PKD1L1: variants seen among roughly 807,000 people sequenced by gnomAD.
PKD1L1 encodes the protein polycystin-1-like protein 1.
PKD1L1 carries 236 observed loss-of-function variants against 323.4 expected under a neutral mutation model. That is an observed-to-expected ratio of 0.73 (90% confidence interval 0.66 to 0.81). The LOEUF is 0.81. Among genes scored for constraint, PKD1L1 ranks in the 40% least tolerant of loss-of-function variants. PKD1L1 has a pLI of 0.00. For synonymous variants in PKD1L1, 1,344 were observed against 1,335.0 expected (o/e 1.01, Z -0.15); for missense variants, 3,320 against 3,508.0 (o/e 0.95, Z 1.35).
rs1382971744 is a variant in PKD1L1, at chr7:47,879,240, T to TTATAC, written c.3520+1487_3520+1488insGTATA. ...GTGAACCTCGGGTTTCCCACTTGTA[T>TTATAC]GACAATAGAGTTCACAGAGAATGCA... On this transcript the variant is annotated intron_variant, in intron 21 of 56. Transcript: ENST00000289672. Among the ~76,000 whole-genome samples the TTATAC allele has an allele frequency of 2.0e-5, 3 of 152,186 alleles. No homozygotes were observed. The East Asian group carries it at 5.8e-4, about 29-fold the overall frequency.
In PKD1L1 at chr7:47,839,074, C is replaced by CCACAT. The variant is rs1349890206; in HGVS notation, c.5769+367_5769+371dup. On this transcript the variant is annotated intron_variant, in intron 36 of 56. Transcript: ENST00000289672. This position sits in a 1 kb window ranked among gnomAD's most constrained non-coding sequence, Gnocchi z 4.3. ...CATCCTGGACCTGACCACATCTATA[C>CCACAT]CACATCTGTAATTACTCTATTGATA... Among the ~76,000 whole-genome samples, 1 of 152,054 alleles carries CCACAT rather than the reference C, an allele frequency of 6.6e-6. No individual in the cohort carries two copies. Among genetic ancestry groups the CCACAT allele is most frequent in the African/African-American group, 2.4e-5 (1 of 41,392 alleles).
At chr7:47,795,384 T>C (rs1055843595) in intron 55 of PKD1L1, 1 of 455,544 alleles carries the variant, frequency 2.2e-6, no homozygotes, top group East Asian at 7.0e-5. Flanking sequence ...GCCACCACCA[T>C]GTAAGAAGTG....
chr7:47,960,681 A>C, the PKD1L1 span, among the ~76,000 whole-genome samples: 1 of 144,042 alleles, frequency 6.9e-6, no homozygotes, highest in Non-Finnish European at 1.5e-5. Flanking sequence ...GAAATAAATA[A>C]TTTTTCTAAT....
At position 47,890,681 on chromosome 7, in the gene PKD1L1, C is replaced by A. The variant is rs756855898; in HGVS notation, c.2536G>T (p.Ala846Ser). Residue 846 changes from alanine (A) to serine (S), a missense_variant, in exon 16 of 57, where the codon GCT becomes TCT. Ala to Ser is a moderately conservative substitution (Grantham distance 99). Coordinates refer to ENST00000289672, the MANE Select transcript of PKD1L1 (RefSeq NM_138295.5). ...SSTAHQLDAAAPTVSFEAQWL... is the reference protein window; with the variant it reads ...SSTAHQLDAASPTVSFEAQWL... ...TGTGCCTCAAAGGAAACAGTGGGAG[C>A]CGCGGCATCCAGTTGGTGTGCAGTG... The A allele has an allele frequency of 1.9e-6, 3 of 1,613,870 alleles. No individual in the cohort carries two copies. Among genetic ancestry groups the A allele is most frequent in the Non-Finnish European group, 2.5e-6 (3 of 1,180,044 alleles).
Position 47,902,461 on chromosome 7 carries a change from G to A in PKD1L1, c.1982C>T (p.Ser661Phe), listed in dbSNP as rs1433643495. 1 of 1,614,038 alleles carries A rather than the reference G, an allele frequency of 6.2e-7. No individual in the cohort carries two copies. Among genetic ancestry groups the A allele is most frequent in the Non-Finnish European group, 8.5e-7 (1 of 1,180,000 alleles). The change falls in exon 13 of 57, where the codon TCC becomes TTC. Residue 661 changes from serine to phenylalanine, a missense_variant. By Grantham distance (155) the Ser-to-Phe change is radical. Transcript: ENST00000289672. ...EVLAFNNVSA[S>F]TLRQQLFIVC... ...GATGAAAAGTTGCTGTCTTAGAGTG[G>A]AGGCACTGACATTATTGAAGGCAAG...
rs1784520074 is a variant in PKD1L1 at position 47,796,063 on chromosome 7, T to C, written c.8281A>G (p.Met2761Val). Residue 2761 changes from methionine (M) to valine (V), a missense_variant, in exon 55 of 57, where the codon ATG (methionine) becomes GTG (valine). Met to Val is a conservative substitution (Grantham distance 21). Transcript: ENST00000289672. Reference sequence around the variant, plus strand: ...AGAAAGGTGAGGACCTTTTCCCACATATAAGCAGTGACATCTTTAAGTCTC... The same window carrying C: ...AGAAAGGTGAGGACCTTTTCCCACACATAAGCAGTGACATCTTTAAGTCTC... The part of the protein sequence containing the change: ...FVRLKDVTAY[M>V]WEKVLTFLRL... 5 of 1,612,330 alleles carry C rather than the reference T, an allele frequency of 3.1e-6. No homozygotes were observed. Among genetic ancestry groups the C allele is most frequent in the African/African-American group, 1.3e-5 (1 of 74,880 alleles).
rs748896013 is a variant in PKD1L1, at chr7:47,839,535, G to A, written c.5680C>T (p.Pro1894Ser). 3 of 1,611,086 alleles carry A rather than the reference G, an allele frequency of 1.9e-6. No homozygotes were observed. The highest frequency in any genetic ancestry group is 1.7e-5 in the Admixed American group (1 of 59,822). Residue 1894 changes from proline to serine, a missense_variant, in exon 36 of 57, where the codon CCT (proline) becomes TCT (serine). Coordinates refer to ENST00000289672, the MANE Select transcript of PKD1L1 (RefSeq NM_138295.5). This position sits in a 1 kb window ranked among gnomAD's most constrained non-coding sequence, Gnocchi z 4.3. ...ELHTGQGWFF[P>S]AQCWLSAGRH... Reference sequence around the variant, plus strand: ...CCGGCAGACAGCCAGCACTGGGCAGGGAAGAACCAGCCCTGTCCCGTGTGC... The same window carrying A: ...CCGGCAGACAGCCAGCACTGGGCAGAGAAGAACCAGCCCTGTCCCGTGTGC...
chr7:47,939,923 C>G (rs1395708247), intron 3 of PKD1L1, among the ~76,000 whole-genome samples: 3 of 152,164 alleles, frequency 2.0e-5, no homozygotes, highest in Non-Finnish European at 4.4e-5. Flanking sequence ...CCCCACTCCC[C>G]ACCTGAGGGC....
At chr7:47,925,637 C>T (rs998327365) in intron 7 of PKD1L1, among the ~76,000 whole-genome samples, 2 of 152,160 alleles carry the variant, frequency 1.3e-5, no homozygotes, top group Non-Finnish European at 2.9e-5. Flanking sequence ...CCACGATACC[C>T]TCCTCCCATT....
At chr7:47,914,835 A>T (rs1055574343) in intron 8 of PKD1L1, among the ~76,000 whole-genome samples, 9 of 151,902 alleles carry the variant, frequency 5.9e-5, no homozygotes, top group African/African-American at 2.2e-4. Flanking sequence ...GGGTGAGCAA[A>T]GGGGCTCAGC....
chr7:47,944,680 T>C (rs915069106), intron 1 of PKD1L1, among the ~76,000 whole-genome samples: 2 of 152,234 alleles, frequency 1.3e-5, no homozygotes, highest in Admixed American at 6.5e-5. Flanking sequence ...TTGGCACAGC[T>C]GGTGACTTTC....
chr7:47,839,203 T>C lies in PKD1L1; in HGVS notation c.5769+243A>G, dbSNP rs1439002670. Among the ~76,000 whole-genome samples, 1 of 152,244 alleles carries C rather than the reference T, an allele frequency of 6.6e-6. No homozygotes were observed. On this transcript the variant is annotated intron_variant, in intron 36 of 56. Transcript: ENST00000289672. The surrounding 1 kb of genome is among the most constrained non-coding windows in gnomAD (Gnocchi z 4.3). ...GCAACCATAAATTCCAGCAATGCTA[T>C]TACAATTACAGAGAAGCATTACTAC...
intron 24 of PKD1L1, among the ~76,000 whole-genome samples, chr7:47,868,152 G>T (rs1381458098): frequency 6.6e-6 from 1 of 152,164 alleles, no homozygotes; most frequent in Admixed American, 6.5e-5. Context: ...TGGATCACCT[G>T]AGGTCAAGAA....
the PKD1L1 span, among the ~76,000 whole-genome samples, chr7:47,953,726 G>A: frequency 5.9e-5 from 9 of 152,350 alleles, no homozygotes; most frequent in East Asian, 1.2e-3. Flanking sequence ...GGCCAAATTT[G>A]AACTAGGTGA....
chr7:47,896,686 T>A (rs1472310164), intron 14 of PKD1L1, among the ~76,000 whole-genome samples: 1 of 152,132 alleles, frequency 6.6e-6, no homozygotes, highest in Non-Finnish European at 1.5e-5. Context: ...GCTGTTTTCA[T>A]TAGGAAAATG....
rs1205172129 is a variant in PKD1L1, at chr7:47,800,637, G to A, written c.8193+12C>T. The A allele has an allele frequency of 1.9e-6, 3 of 1,609,642 alleles. No homozygotes were observed. Among genetic ancestry groups the A allele is most frequent in the Non-Finnish European group, 2.6e-6 (3 of 1,176,004 alleles). On this transcript the variant is annotated intron_variant, in intron 54 of 56. Coordinates refer to ENST00000289672, the MANE Select transcript of PKD1L1 (RefSeq NM_138295.5). ...AAACCATAACTTGAAAGTTGGGGAT[G>A]TGTTTACTTACCATTCCAAAACACA...
chr7:47,811,829 G>T lies in PKD1L1; in HGVS notation c.7569C>A (p.Leu2523=). Residue 2523 remains leucine (L), a synonymous_variant, in exon 50 of 57, where the codon CTC becomes CTA. Coordinates refer to ENST00000289672, the MANE Select transcript of PKD1L1 (RefSeq NM_138295.5). ...FRSDSALQYH[L]MLPQLVFLAL... ...CAGGTCAGCTCACCTGGGGAAGCATGAGGTGGTACTGCAGGGCTGAGTCGC... is the reference window on the plus strand; with the variant it reads ...CAGGTCAGCTCACCTGGGGAAGCATTAGGTGGTACTGCAGGGCTGAGTCGC... The T allele has an allele frequency of 6.2e-7, 1 of 1,604,222 alleles. No individual in the cohort carries two copies. Among genetic ancestry groups the T allele is most frequent in the Non-Finnish European group, 8.5e-7 (1 of 1,175,920 alleles).
intron 54 of PKD1L1, among the ~76,000 whole-genome samples, chr7:47,799,216 G>C (rs1461716747): frequency 6.6e-6 from 1 of 152,176 alleles, no homozygotes; most frequent in Non-Finnish European, 1.5e-5. Context: ...AGGTGGACAG[G>C]TAACTAGTTT....
chr7:47,950,117 C>A (rs780828211), upstream of PKD1L1, among the ~76,000 whole-genome samples: 12 of 152,170 alleles, frequency 7.9e-5, no homozygotes, highest in Non-Finnish European at 1.0e-4. Flanking sequence ...AGTTTGTAAA[C>A]GAACAAAATC....
Sources: allele counts gnomAD v4.1 joint callset (sites outside exome capture counted in the v4.1 genomes callset), GRCh38; gene constraint gnomAD v4.1.1; non-coding constraint Gnocchi (gnomAD v3.1); transcripts MANE v1.5; gene names NCBI Gene and HGNC (gene_info 2026-07-23, HGNC 2026-07-21).